AKR1B15: variants seen among roughly 807,000 people sequenced by gnomAD.
AKR1B15 encodes the protein aldo-keto reductase family 1 member B15.
AKR1B15 carries 49 observed loss-of-function variants against 38.5 expected under a neutral mutation model. The observed-to-expected ratio is 1.27, with a 90% confidence interval of 1.01 to 1.62. AKR1B15 has a LOEUF of 1.62. Among genes scored for constraint, AKR1B15 ranks in the 40% most tolerant of loss-of-function variants. AKR1B15 has a pLI of 0.00. For synonymous variants in AKR1B15, 137 were observed against 135.5 expected, an observed-to-expected ratio of 1.01 and a Z score of -0.08; for missense variants, 411 against 381.6, an observed-to-expected ratio of 1.08 and a Z score of -0.64.
At chr7:134,557,360 C>A (rs2117621695) in intron 2 of AKR1B15, among the ~76,000 whole-genome samples, 1 of 152,270 alleles carries the variant, frequency 6.6e-6, no homozygotes, top group East Asian at 1.9e-4. Context: ...TTCCCCCAAA[C>A]ACGAGTGGGA....
chr7:134,572,830 A>G (rs544702555), intron 6 of AKR1B15, among the ~76,000 whole-genome samples: 1 of 152,314 alleles, frequency 6.6e-6, no homozygotes, highest in East Asian at 1.9e-4. Context: ...GATATAAATG[A>G]ACAGTGGCAT....
chr7:134,573,422 G>A, intron 6 of AKR1B15: 1 of 985,382 alleles, frequency 1.0e-6, no homozygotes, highest in Non-Finnish European at 1.2e-6. Flanking sequence ...TTCTCACAGT[G>A]CTATGTTTTC....
chr7:134,564,458 T>C (rs1299634363), intron 2 of AKR1B15, 140 bp from the exon 3 acceptor site: 6 of 461,068 alleles, frequency 1.3e-5, no homozygotes, highest in Non-Finnish European at 2.3e-5. Context: ...AATCAGGCAA[T>C]GCCTTTCTAA....
At position 134,575,492 on chromosome 7, in the gene AKR1B15, G is replaced by A. The variant is rs199704947; in HGVS notation, c.586G>A (p.Glu196Lys). The change falls in exon 7 of 12, where the codon GAG (glutamate) becomes AAG (lysine). Residue 196 changes from glutamate to lysine, a missense_variant. Coordinates refer to ENST00000457545, the MANE Select transcript of AKR1B15 (RefSeq NM_001080538.3). Reference sequence around the variant, plus strand: ...CTCAAATTTCAACCACTTCCAGATCGAGAGGCTCTTGAACAAACCTGGACT... The same window carrying A: ...CTCAAATTTCAACCACTTCCAGATCAAGAGGCTCTTGAACAAACCTGGACT... ...GVSNFNHFQI[E>K]RLLNKPGLKY... 3.7e-5 allele frequency: 59 copies of A among 1,613,766 alleles called. No homozygotes were observed. The Admixed American group carries it at 6.7e-4, about 18-fold the overall frequency.
chr7:134,562,878 CTTTCTT>C (rs780966028), intron 2 of AKR1B15, among the ~76,000 whole-genome samples: 1 of 135,072 alleles, frequency 7.4e-6, no homozygotes, highest in Non-Finnish European at 1.6e-5. Context: ...TTCTTTCTTT[CTTTCTT>C]TCTTTCCTTC....
At chr7:134,563,934 CA>C (rs2117644498) in intron 2 of AKR1B15, among the ~76,000 whole-genome samples, 1 of 152,314 alleles carries the variant, frequency 6.6e-6, no homozygotes, top group South Asian at 2.1e-4. Flanking sequence ...TTAACATACA[CA>C]ACCAGTTCTG....
At chr7:134,552,828 T>C (rs1261997116) in intron 1 of AKR1B15, among the ~76,000 whole-genome samples, 1 of 152,152 alleles carries the variant, frequency 6.6e-6, no homozygotes, top group Non-Finnish European at 1.5e-5. Context: ...CCAATTAACC[T>C]GGACTTGGTT....
chr7:134,567,384 A>G (rs1238516982), intron 3 of AKR1B15, among the ~76,000 whole-genome samples: 1 of 151,886 alleles, frequency 6.6e-6, no homozygotes, highest in Non-Finnish European at 1.5e-5. Context: ...TTTTATAGGA[A>G]TGGAAAACAA....
intron 2 of AKR1B15, among the ~76,000 whole-genome samples, chr7:134,558,799 G>A (rs547128005): frequency 9.9e-5 from 15 of 152,236 alleles, no homozygotes; most frequent in Admixed American, 3.3e-4. Context: ...CTTGGTCTAG[G>A]CTCTACCTTC....
chr7:134,566,788 G>C (rs1323022536), intron 3 of AKR1B15, among the ~76,000 whole-genome samples: 1 of 152,092 alleles, frequency 6.6e-6, no homozygotes, highest in Non-Finnish European at 1.5e-5. Flanking sequence ...GTCATTCTCA[G>C]GATAAAGTCT....
intron 3 of AKR1B15, 42 bp downstream of exon 3, chr7:134,564,811 T>C (rs1318981837): frequency 1.6e-5 from 10 of 617,654 alleles, no homozygotes; most frequent in Non-Finnish European, 2.6e-5. Context: ...CCAACAGCAG[T>C]TGTGGTGTCC....
chr7:134,572,381 C>A (rs1794685506), intron 6 of AKR1B15, among the ~76,000 whole-genome samples: 1 of 152,146 alleles, frequency 6.6e-6, no homozygotes, highest in Admixed American at 6.5e-5. Flanking sequence ...GTAATCCCAG[C>A]ACTTTGGGAA....
At chr7:134,577,848 A>G in intron 11 of AKR1B15, 62 bp downstream of exon 11, 7 of 1,563,004 alleles carry the variant, frequency 4.5e-6, no homozygotes, top group Non-Finnish European at 6.1e-6. Flanking sequence ...GTAGAGGGTT[A>G]GTTGGAAGGA....
intron 3 of AKR1B15, among the ~76,000 whole-genome samples, chr7:134,567,569 C>A (rs1479185278): frequency 6.6e-6 from 1 of 151,976 alleles, no homozygotes; most frequent in African/African-American, 2.4e-5. Flanking sequence ...TCCATTTTGC[C>A]GACAAGGTTT....
chr7:134,566,748 G>A (rs1034159547), intron 3 of AKR1B15, among the ~76,000 whole-genome samples: 3 of 152,094 alleles, frequency 2.0e-5, no homozygotes, highest in Admixed American at 6.5e-5. Context: ...GTGCCGAGCT[G>A]GAGGGTAGGA....
chr7:134,574,328 A>G (rs1794719674), intron 6 of AKR1B15, among the ~76,000 whole-genome samples: 1 of 151,778 alleles, frequency 6.6e-6, no homozygotes, highest in Non-Finnish European at 1.5e-5. Context: ...CCTGTGTCAT[A>G]TGCTCATGTT....
intron 7 of AKR1B15, 138 bp downstream of exon 7, chr7:134,575,680 T>C: frequency 6.3e-7 from 1 of 1,578,346 alleles, no homozygotes; most frequent in Non-Finnish European, 8.6e-7. Flanking sequence ...GTGAGGCTGA[T>C]CTCATGGGTG....
chr7:134,559,597 G>A (rs572861567), intron 2 of AKR1B15, among the ~76,000 whole-genome samples: 2 of 152,306 alleles, frequency 1.3e-5, no homozygotes, highest in South Asian at 2.1e-4. Flanking sequence ...AATGAAAAAT[G>A]ACACTACTCT....
chr7:134,563,317 C>T (rs1284197590), intron 2 of AKR1B15, among the ~76,000 whole-genome samples: 1 of 152,170 alleles, frequency 6.6e-6, no homozygotes, highest in Admixed American at 6.5e-5. Context: ...CCTGTAATCC[C>T]AGCACTTTGG....
Sources: gnomAD v4.1 joint callset for allele counts (sites outside exome capture counted in the v4.1 genomes callset) on GRCh38, gnomAD v4.1.1 for gene constraint, MANE v1.5 for transcripts, NCBI Gene and HGNC (gene_info 2026-07-23, HGNC 2026-07-21) for gene names.